HEATR9: variants seen among roughly 807,000 people sequenced by gnomAD.
HEATR9 encodes the protein HEAT repeat containing 9.
In HEATR9, 54 loss-of-function variants were observed where a neutral mutation model predicts 68.2. That is an observed-to-expected ratio of 0.79 (90% CI 0.64 to 0.99). The LOEUF (loss-of-function observed/expected upper bound fraction) is 0.99. Among genes scored for constraint, HEATR9 ranks in the 50% least tolerant of loss-of-function variants. The probability of loss-of-function intolerance (pLI) is 0.00; values close to 1 mark genes in which losing one functional copy is unlikely to be tolerated. For synonymous variants in HEATR9, 241 were observed against 253.5 expected (o/e 0.95, Z 0.47); for missense variants, 662 against 679.7 (o/e 0.97, Z 0.29).
At chr17:35,856,443 A>C in intron 12 of HEATR9, 1 of 1,308,798 alleles carries the variant, frequency 7.6e-7, no homozygotes. Context: ...ACTGTCCAGA[A>C]ATTTTATCTT....
At chr17:35,860,479 T>TTTATTTATTTATTTA (rs1303796847) in intron 8 of HEATR9, among the ~76,000 whole-genome samples, 14 of 94,148 alleles carry the variant, frequency 1.5e-4, no homozygotes, top group African/African-American at 6.6e-4. Context: ...TATTTATTTA[T>TTTATTTATTTATTTA]TTTATTTATT....
intron 8 of HEATR9, among the ~76,000 whole-genome samples, chr17:35,862,683 T>G (rs1311056237): frequency 6.6e-6 from 1 of 152,252 alleles, no homozygotes; most frequent in Non-Finnish European, 1.5e-5. Flanking sequence ...GTGTACTGAC[T>G]GTGTGTTGTT....
intron 1 of HEATR9, among the ~76,000 whole-genome samples, chr17:35,867,046 T>C (rs2088221504): frequency 6.6e-6 from 1 of 151,580 alleles, no homozygotes; most frequent in Non-Finnish European, 1.5e-5. Context: ...GGTCAGGAGA[T>C]TGGGACCATA....
At chr17:35,863,608 T>C (rs2143949328) in intron 6 of HEATR9, 49 bp from the exon 7 acceptor site, 1 of 1,578,318 alleles carries the variant, frequency 6.3e-7, no homozygotes, top group South Asian at 1.1e-5. Context: ...TGATGGAATG[T>C]CAGAGCTTTA....
chr17:35,855,684 G>A lies in HEATR9; in HGVS notation c.1345C>T (p.His449Tyr). 3 of 1,614,114 alleles carry A rather than the reference G, an allele frequency of 1.9e-6. No individual in the cohort carries two copies. Among genetic ancestry groups the A allele is most frequent in the Non-Finnish European group, 2.5e-6 (3 of 1,179,984 alleles). The change falls in exon 14 of 15, where the codon CAC becomes TAC. Residue 449 changes from histidine to tyrosine, a missense_variant. Coordinates refer to ENST00000604834, the MANE Select transcript of HEATR9 (RefSeq NM_152781.4). ...CTTACACTCTTCTTCACAGCCTGGT[G>A]GTTTTCTGCATCTAGTAAGTCCAGG... is the stretch of plus-strand genomic sequence containing the variant. Reference protein sequence around the residue: ...LLLDLLDAENHQAVKKSLQET... With the variant: ...LLLDLLDAENYQAVKKSLQET...
In HEATR9 at chr17:35,865,347, G is replaced by A. The variant is rs141724302; in HGVS notation, c.188C>T (p.Pro63Leu). ...PPSPECWRQH[P>L]SKPNSVPYCY... ...GTACGGGACTGAGTTTGGCTTGCTCGGATGCTGCCTCCAGCACTCTGGACT... is the reference window on the plus strand; with the variant it reads ...GTACGGGACTGAGTTTGGCTTGCTCAGATGCTGCCTCCAGCACTCTGGACT... The change falls in exon 3 of 15, where the codon CCG becomes CTG. Residue 63 changes from proline (P) to leucine (L), a missense_variant. Physicochemically the swap from Pro to Leu is moderately conservative, Grantham distance 98. Coordinates refer to ENST00000604834, the MANE Select transcript of HEATR9 (RefSeq NM_152781.4). 8.8e-3 allele frequency: 14,266 copies of A among 1,613,802 alleles called. 88 individuals carry two copies. The highest frequency in any genetic ancestry group is 0.013 in the South Asian group (1,166 of 91,060).
At chr17:35,861,154 A>G (rs1421248794) in intron 8 of HEATR9, 3 of 1,567,262 alleles carry the variant, frequency 1.9e-6, no homozygotes, top group African/African-American at 2.7e-5. Flanking sequence ...TTTGCCTGCA[A>G]GAGGGGCTCG....
intron 8 of HEATR9, among the ~76,000 whole-genome samples, chr17:35,862,713 G>A (rs907591808): frequency 6.6e-5 from 10 of 152,112 alleles, no homozygotes; most frequent in African/African-American, 2.2e-4. Flanking sequence ...TTGTAAAGTC[G>A]AAAAATCGTA....
chr17:35,857,215 A>G (rs2087804589), intron 11 of HEATR9, among the ~76,000 whole-genome samples: 1 of 152,124 alleles, frequency 6.6e-6, no homozygotes, highest in Non-Finnish European at 1.5e-5. Context: ...AGGTGACCAA[A>G]TGGACTCTTC....
chr17:35,866,875 A>G, intron 1 of HEATR9, 102 bp from the exon 2 acceptor site: 3 of 1,125,306 alleles, frequency 2.7e-6, no homozygotes, highest in Non-Finnish European at 4.1e-6. Flanking sequence ...TGGGAAGCCA[A>G]GGCAGGCAGA....
In HEATR9 at chr17:35,858,919, A is replaced by G. The variant is rs534438779; in HGVS notation, c.908T>C (p.Leu303Pro). 1.2e-4 allele frequency: 188 copies of G among 1,614,124 alleles called. 4 individuals are homozygous for G. In the South Asian group the frequency reaches 2.0e-3, roughly 17 times the overall value. ...NMVQEFLLQC[L>P]CQGLKTQRMK... ...CCGCTGGGTCTTGAGTCCTTGGCAC[A>G]GGCACTGCAACAAGAACTCTTGGAC... Residue 303 changes from leucine (L) to proline (P), a missense_variant, in exon 9 of 15, where the codon CTG becomes CCG. By Grantham distance (98) the Leu-to-Pro change is moderately conservative (BLOSUM62 -3). Transcript: ENST00000604834.
chr17:35,866,047 G>A (rs1241258529), intron 2 of HEATR9, among the ~76,000 whole-genome samples: 2 of 152,168 alleles, frequency 1.3e-5, no homozygotes, highest in Non-Finnish European at 2.9e-5. Context: ...GATTTGGCTA[G>A]GATTCATCCC....
In HEATR9 at chr17:35,855,052, A is replaced by G; in HGVS notation, c.*11T>C. 9 of 1,606,930 alleles carry G rather than the reference A, an allele frequency of 5.6e-6. No homozygotes were observed. Among genetic ancestry groups the G allele is most frequent in the Non-Finnish European group, 7.7e-6 (9 of 1,175,890 alleles). ...AGGGAGGGAGTCGGGGAGTAGGCCC[A>G]AAGAATTGACTTATTTGGCAATTTC... is the stretch of plus-strand genomic sequence containing the variant. On this transcript the variant is annotated 3_prime_UTR_variant, in exon 15 of 15. Transcript: ENST00000604834.
rs1407486871 is a variant in HEATR9 at position 35,868,734 on chromosome 17, A to T, written c.9T>A (p.Tyr3Ter). The T allele has an allele frequency of 2.5e-6, 4 of 1,614,148 alleles. No homozygotes were observed. Among genetic ancestry groups the T allele is most frequent in the Non-Finnish European group, 3.4e-6 (4 of 1,180,004 alleles). The change falls in exon 1 of 15, where the codon TAT becomes TAA. Residue 3 changes from tyrosine to a stop codon, truncating the protein, a stop_gained. Coordinates refer to ENST00000604834, the MANE Select transcript of HEATR9 (RefSeq NM_152781.4). LOFTEE classifies it high-confidence loss of function. The part of the protein sequence containing the change: MA[Y>*]EKSTDISDVS... The stretch of plus-strand genomic sequence containing the variant: ...CATCAGAGATATCAGTTGATTTTTC[A>T]TAGGCCATCTTCTTCTCCTGGTGGG...
In HEATR9 at chr17:35,855,077, C is replaced by A; in HGVS notation, c.1699G>T (p.Glu567Ter). 6.2e-7 allele frequency: 1 copy of A among 1,611,134 alleles called. No homozygotes were observed. The highest frequency in any genetic ancestry group is 8.5e-7 in the Non-Finnish European group (1 of 1,178,818). The change falls in exon 15 of 15, where the codon GAA (glutamate) becomes TAA (stop). Residue 567 changes from glutamate (E) to a stop codon, truncating the protein, a stop_gained. Transcript: ENST00000604834. LOFTEE classifies it high-confidence loss of function. ...RIKKQLRVLA[E>*]IAK The stretch of plus-strand genomic sequence containing the variant: ...AAAGAATTGACTTATTTGGCAATTT[C>A]AGCAAGGACCCGGAGCTGTTTCTTG...
intron 8 of HEATR9, among the ~76,000 whole-genome samples, chr17:35,860,192 C>T (rs1270156380): frequency 6.7e-6 from 1 of 150,188 alleles, no homozygotes; most frequent in Non-Finnish European, 1.5e-5. Flanking sequence ...GTCAGGAGAT[C>T]GAGACCACAG....
chr17:35,861,577 T>C, intron 8 of HEATR9: 2 of 722,400 alleles, frequency 2.8e-6, no homozygotes, highest in South Asian at 3.0e-5. Flanking sequence ...GTTGAACCTG[T>C]GTTGGTCCCC....
chr17:35,856,661 A>T (rs2087783309), intron 12 of HEATR9, 71 bp downstream of exon 12: 2 of 1,345,986 alleles, frequency 1.5e-6, no homozygotes, highest in African/African-American at 2.9e-5. Flanking sequence ...CTTCCCACTG[A>T]CCCTCTCACT....
Position 35,855,023 on chromosome 17 carries a change from CT to C in HEATR9, c.*39del, listed in dbSNP as rs2087720468. The C allele has an allele frequency of 6.6e-7, 1 of 1,517,382 alleles. No individual in the cohort carries two copies. Among genetic ancestry groups the C allele is most frequent in the Non-Finnish European group, 9.1e-7 (1 of 1,104,522 alleles). 94.0% of individuals were successfully genotyped at this position (1,517,382 alleles called of 1,614,324 possible). On this transcript the variant is annotated 3_prime_UTR_variant, in exon 15 of 15. Coordinates refer to ENST00000604834, the MANE Select transcript of HEATR9 (RefSeq NM_152781.4). ...TTTCTCATGGGAGCCTGAGAAGCAT[CT>C]TCAGGGAGGGAGTCGGGGAGTAGGC...
Sources: allele counts gnomAD v4.1 joint callset (sites outside exome capture counted in the v4.1 genomes callset), GRCh38; gene constraint gnomAD v4.1.1; transcripts MANE v1.5; gene names NCBI Gene and HGNC (gene_info 2026-07-23, HGNC 2026-07-21).